Variants in WDR27 observed in about 807,000 individuals in gnomAD.
WDR27 encodes WD repeat-containing protein 27.
In WDR27, 100 loss-of-function variants were observed where a neutral mutation model predicts 114.4. The ratio of observed to expected loss-of-function variants is 0.87; its 90% CI spans 0.74 to 1.03. The LOEUF is 1.03. WDR27 is among the 50% of genes least tolerant of loss of function. The pLI, the probability that WDR27 is intolerant of heterozygous loss-of-function variation, is 0.00. For missense variants in WDR27, 1,129 were observed against 1,092.9 expected (o/e 1.03, Z -0.47); for synonymous variants, 449 against 423.1 (o/e 1.06, Z -0.75).
chr6:169,518,434 A>T (rs1487079487), intron 25 of WDR27, among the ~76,000 whole-genome samples: 1 of 152,250 alleles, frequency 6.6e-6, no homozygotes, highest in East Asian at 1.9e-4. Flanking sequence ...TACAGGCTTA[A>T]TGCCACATGG....
At chr6:169,674,905 T>C (rs1343334335) in intron 2 of WDR27, among the ~76,000 whole-genome samples, 1 of 152,154 alleles carries the variant, frequency 6.6e-6, no homozygotes, top group Non-Finnish European at 1.5e-5. Flanking sequence ...GGAGTTGTTC[T>C]CTGGCGGGCA....
chr6:169,652,472 C>T (rs1031455381), intron 13 of WDR27, among the ~76,000 whole-genome samples: 4 of 152,190 alleles, frequency 2.6e-5, no homozygotes, highest in Non-Finnish European at 4.4e-5. Flanking sequence ...TGGTCTTGAA[C>T]GCCTGACCTC....
intron 25 of WDR27, among the ~76,000 whole-genome samples, chr6:169,513,387 A>T (rs1043977380): frequency 6.6e-6 from 1 of 152,170 alleles, no homozygotes; most frequent in Non-Finnish European, 1.5e-5. Context: ...CCCAGGCTTA[A>T]GGGGAGGGAA....
rs572245902 is a variant in WDR27, at chr6:169,513,011, A to C, written c.2646-55377T>G. On this transcript the variant is annotated intron_variant, in intron 25 of 25. Coordinates refer to ENST00000448612, the MANE Select transcript of WDR27 (RefSeq NM_182552.5). ...AGAATACATTAAAAAATTTTTTTCT[A>C]AACGTTCCAGTTACTTATTGTTGCA... Among the ~76,000 whole-genome samples the C allele has an allele frequency of 2.0e-5, 3 of 152,330 alleles. No homozygotes were observed. In the East Asian group the frequency reaches 5.8e-4, roughly 29 times the overall value.
intron 23 of WDR27, among the ~76,000 whole-genome samples, chr6:169,598,433 C>T (rs536335209): frequency 6.6e-6 from 1 of 152,332 alleles, no homozygotes; most frequent in Admixed American, 6.5e-5. Context: ...GAGGGACAAA[C>T]TCACCCTTTG....
chr6:169,457,564 C>T lies in WDR27; in HGVS notation c.*28G>A, dbSNP rs1419786166. The T allele has an allele frequency of 1.3e-6, 2 of 1,545,382 alleles. No homozygotes were observed. Among genetic ancestry groups the T allele is most frequent in the Admixed American group, 2.0e-5 (1 of 50,122 alleles). ...AGTTGTTCCTCACAGCATTCCTGGA[C>T]CCAGCTCACAGGTCAGTGGTTACTC... is the stretch of plus-strand genomic sequence containing the variant. On this transcript the variant is annotated 3_prime_UTR_variant, in exon 26 of 26. Transcript: ENST00000448612.
At chr6:169,594,991 G>T (rs1189946629) in intron 23 of WDR27, among the ~76,000 whole-genome samples, 4 of 152,174 alleles carry the variant, frequency 2.6e-5, no homozygotes, top group Non-Finnish European at 5.9e-5. Context: ...GGACCACATA[G>T]TGAAACCTCA....
intron 1 of WDR27, among the ~76,000 whole-genome samples, chr6:169,699,557 G>T (rs1787268135): frequency 6.6e-6 from 1 of 152,142 alleles, no homozygotes; most frequent in Non-Finnish European, 1.5e-5. Flanking sequence ...GCACACGGTG[G>T]GCTCAGGGCT....
intron 25 of WDR27, among the ~76,000 whole-genome samples, chr6:169,530,763 T>C (rs1456110577): frequency 6.6e-6 from 1 of 152,158 alleles, no homozygotes; most frequent in Non-Finnish European, 1.5e-5. Flanking sequence ...TTCTGTAAAC[T>C]CAATGAAAAT....
chr6:169,546,419 T>C (rs908304518), intron 25 of WDR27, among the ~76,000 whole-genome samples: 2 of 152,170 alleles, frequency 1.3e-5, no homozygotes, highest in African/African-American at 4.8e-5. Context: ...AGCCTCCACG[T>C]GCACTCCCTT....
chr6:169,697,939 A>G (rs1272522583), intron 1 of WDR27, among the ~76,000 whole-genome samples: 1 of 152,136 alleles, frequency 6.6e-6, no homozygotes, highest in Admixed American at 6.5e-5. Context: ...GTCCCCGCGC[A>G]CGGGGAGAGA....
At chr6:169,529,311 G>GC (rs1491164630) in intron 25 of WDR27, among the ~76,000 whole-genome samples, 2 of 32,584 alleles carry the variant, frequency 6.1e-5, no homozygotes, top group South Asian at 1.4e-3. Flanking sequence ...GGTGACCTCT[G>GC]CGGGGGGGGG....
intron 22 of WDR27, among the ~76,000 whole-genome samples, chr6:169,609,983 G>A (rs945174428): frequency 5.3e-5 from 8 of 152,182 alleles, no homozygotes; most frequent in African/African-American, 1.7e-4. Context: ...GGGGCAAAAT[G>A]CCATCAGTCT....
At position 169,688,921 on chromosome 6, in the gene WDR27, C is replaced by T. The variant is rs1783755173; in HGVS notation, c.85G>A (p.Glu29Lys). 6.2e-7 allele frequency: 1 copy of T among 1,613,976 alleles called. No individual in the cohort carries two copies. Among genetic ancestry groups the T allele is most frequent in the Non-Finnish European group, 8.5e-7 (1 of 1,179,862 alleles). ...GCAAGCTGAACATGAGACACAGACT[C>T]CTTGGATTCAACCAGGTATTTTTCT... Reference protein sequence around the residue: ...VIEKYLVESKESVSHVQLACS... With the variant: ...VIEKYLVESKKSVSHVQLACS... Residue 29 changes from glutamate to lysine, a missense_variant, in exon 2 of 26, where the codon GAG becomes AAG. Glu to Lys is a moderately conservative substitution (Grantham distance 56). Transcript: ENST00000448612.
At chr6:169,444,969 C>G in the WDR27 span, among the ~76,000 whole-genome samples, 19 of 152,286 alleles carry the variant, frequency 1.2e-4, no homozygotes, top group Non-Finnish European at 2.1e-4. Context: ...TACCTGTAAG[C>G]TCAGGGTGAG....
chr6:169,448,164 G>A, the WDR27 span, among the ~76,000 whole-genome samples: 7 of 152,078 alleles, frequency 4.6e-5, 1 homozygote, highest in East Asian at 7.7e-4. Flanking sequence ...TCAGCCTCCC[G>A]AAGTGCTGAG....
Position 169,468,886 on chromosome 6 carries a change from G to A in WDR27, c.2646-11252C>T, listed in dbSNP as rs562958716. On this transcript the variant is annotated intron_variant, in intron 25 of 25. Transcript: ENST00000448612. ...GGTGATGGCTCTCTTCCTGGCTTGCGGAAGGATACCTTCTGACTTTGTGTT... is the reference window on the plus strand; with the variant it reads ...GGTGATGGCTCTCTTCCTGGCTTGCAGAAGGATACCTTCTGACTTTGTGTT... Among the ~76,000 whole-genome samples, 174 of 152,270 alleles carry A rather than the reference G, an allele frequency of 1.1e-3. No individual in the cohort carries two copies. The Middle Eastern group carries it at 0.02, about 18-fold the overall frequency.
At chr6:169,498,173 G>A (rs1790651988) in intron 25 of WDR27, among the ~76,000 whole-genome samples, 1 of 151,982 alleles carries the variant, frequency 6.6e-6, no homozygotes, top group Non-Finnish European at 1.5e-5. Flanking sequence ...AATGCTATAT[G>A]ATTCTATTTA....
chr6:169,533,101 C>G (rs1795787065), intron 25 of WDR27, among the ~76,000 whole-genome samples: 1 of 152,112 alleles, frequency 6.6e-6, no homozygotes, highest in Admixed American at 6.5e-5. Context: ...GAGACCTGCT[C>G]AGAGGAAGAC....
Sources: gnomAD v4.1 joint callset for allele counts (sites outside exome capture counted in the v4.1 genomes callset) on GRCh38, gnomAD v4.1.1 for gene constraint, MANE v1.5 for transcripts, NCBI Gene and HGNC (gene_info 2026-07-23, HGNC 2026-07-21) for gene names.